Variants in HPSE2 observed in about 807,000 individuals in gnomAD.
The protein encoded by HPSE2 is heparanase 2 (inactive), also known as inactive heparanase-2.
HPSE2 carries 38 observed loss-of-function variants against 60.5 expected under a neutral mutation model. The observed-to-expected ratio is 0.63, with a 90% CI of 0.48 to 0.82. The LOEUF is 0.82. Among genes scored for constraint, HPSE2 ranks in the 40% least tolerant of loss-of-function variants. The pLI, the probability that HPSE2 is intolerant of heterozygous loss-of-function variation, is 0.00. For synonymous variants in HPSE2, 295 were observed against 293.2 expected (o/e 1.01, Z -0.06); for missense variants, 713 against 740.4 (o/e 0.96, Z 0.43).
chr10:99,135,406 T>A (rs961662176), intron 3 of HPSE2, among the ~76,000 whole-genome samples: 1 of 152,208 alleles, frequency 6.6e-6, no homozygotes, highest in Non-Finnish European at 1.5e-5. Context: ...AGAATATACA[T>A]CATTCTCAGC....
chr10:99,038,082 A>G (rs551438804), intron 3 of HPSE2, among the ~76,000 whole-genome samples: 1 of 152,282 alleles, frequency 6.6e-6, no homozygotes, highest in South Asian at 2.1e-4. Context: ...TAAGAGTGTG[A>G]AAATGGTATA....
chr10:99,086,110 T>C (rs556751625), intron 3 of HPSE2, among the ~76,000 whole-genome samples: 1 of 152,256 alleles, frequency 6.6e-6, no homozygotes, highest in African/African-American at 2.4e-5. Flanking sequence ...ATATGCCTAT[T>C]ACAGAACTTA....
chr10:98,730,190 T>C (rs1168259850), intron 4 of HPSE2, among the ~76,000 whole-genome samples: 4 of 151,684 alleles, frequency 2.6e-5, no homozygotes, highest in African/African-American at 9.7e-5. Context: ...TCAACAAAAA[T>C]TGAGAAATCC....
chr10:98,709,080 G>T (rs1424704349), intron 5 of HPSE2, among the ~76,000 whole-genome samples: 1 of 152,092 alleles, frequency 6.6e-6, no homozygotes, highest in Admixed American at 6.6e-5. Context: ...ATTCCAAAAA[G>T]ATCATTATTT....
chr10:99,002,054 C>A (rs1267999008), intron 3 of HPSE2, among the ~76,000 whole-genome samples: 1 of 152,044 alleles, frequency 6.6e-6, no homozygotes, highest in Non-Finnish European at 1.5e-5. Flanking sequence ...GCAAAAGCAA[C>A]TACTCATCAA....
intron 9 of HPSE2, among the ~76,000 whole-genome samples, chr10:98,534,356 A>G (rs1160611088): frequency 6.6e-6 from 1 of 152,068 alleles, no homozygotes; most frequent in Non-Finnish European, 1.5e-5. Context: ...GATTTTTTTC[A>G]CCCCAACTGA....
chr10:98,884,644 G>T (rs994373371), intron 3 of HPSE2, among the ~76,000 whole-genome samples: 50 of 152,246 alleles, frequency 3.3e-4, no homozygotes, highest in Non-Finnish European at 5.7e-4. Flanking sequence ...GTTTACTCTA[G>T]CAGTCCTCAA....
At chr10:98,909,599 A>C (rs1953924163) in intron 3 of HPSE2, among the ~76,000 whole-genome samples, 1 of 151,552 alleles carries the variant, frequency 6.6e-6, no homozygotes, top group Non-Finnish European at 1.5e-5. Flanking sequence ...CACTGCACCC[A>C]GCCTGGGCGA....
chr10:99,120,070 C>A (rs914172034), intron 3 of HPSE2, among the ~76,000 whole-genome samples: 2 of 152,098 alleles, frequency 1.3e-5, no homozygotes, highest in African/African-American at 4.8e-5. Flanking sequence ...AAAGCAATCA[C>A]GACAAAAGCA....
chr10:98,640,347 C>T (rs1316249524), intron 7 of HPSE2, among the ~76,000 whole-genome samples: 2 of 152,318 alleles, frequency 1.3e-5, no homozygotes, highest in East Asian at 3.9e-4. Context: ...TAGTGGAAGG[C>T]AGTGACAGAT....
chr10:99,244,422 T>TTA, the HPSE2 span, among the ~76,000 whole-genome samples: 2 of 144,186 alleles, frequency 1.4e-5, no homozygotes, highest in African/African-American at 2.6e-5. Context: ...ATTATTATTA[T>TTA]TTGAGACACG....
chr10:98,551,186 T>C (rs1388047581), intron 9 of HPSE2, among the ~76,000 whole-genome samples: 1 of 152,124 alleles, frequency 6.6e-6, no homozygotes, highest in African/African-American at 2.4e-5. Flanking sequence ...ATCTTTATTT[T>C]GTATGTGGGA....
At chr10:98,949,820 T>C (rs1955302022) in intron 3 of HPSE2, among the ~76,000 whole-genome samples, 2 of 152,044 alleles carry the variant, frequency 1.3e-5, no homozygotes, top group Admixed American at 1.3e-4. Context: ...GTGTTTTTTA[T>C]AAAGACAAGT....
At chr10:98,521,719 G>A (rs552979822) in intron 9 of HPSE2, among the ~76,000 whole-genome samples, 1 of 152,258 alleles carries the variant, frequency 6.6e-6, no homozygotes, top group South Asian at 2.1e-4. Flanking sequence ...CAATAGCAAG[G>A]ACTTGGAACC....
At chr10:99,282,922 T>C in the HPSE2 span, among the ~76,000 whole-genome samples, 75,108 of 152,058 alleles carry the variant, frequency 0.49, 21,730 homozygotes, top group Non-Finnish European at 0.64. Context: ...TGGTGGCTCA[T>C]GCCTGTAATC....
chr10:99,044,272 A>C (rs1957805487), intron 3 of HPSE2, among the ~76,000 whole-genome samples: 1 of 152,228 alleles, frequency 6.6e-6, no homozygotes, highest in South Asian at 2.1e-4. Flanking sequence ...GAAATGTGAA[A>C]TAGAAATAAA....
At chr10:98,775,415 CAT>C (rs1950319689) in intron 3 of HPSE2, among the ~76,000 whole-genome samples, 1 of 152,196 alleles carries the variant, frequency 6.6e-6, no homozygotes, top group Non-Finnish European at 1.5e-5. Flanking sequence ...CAGGATGAAA[CAT>C]AGATCACTAT....
At chr10:98,892,581 T>C (rs140771035) in intron 3 of HPSE2, among the ~76,000 whole-genome samples, 2 of 152,188 alleles carry the variant, frequency 1.3e-5, no homozygotes, top group African/African-American at 4.8e-5. Flanking sequence ...TTATCCTTTA[T>C]AGATCTCTTT....
chr10:98,802,709 C>G (rs1312053171), intron 3 of HPSE2, among the ~76,000 whole-genome samples: 1 of 150,344 alleles, frequency 6.7e-6, no homozygotes, highest in African/African-American at 2.5e-5. Context: ...TTTTCTTAAT[C>G]CAGTCTATCA....
Sources: gnomAD v4.1 joint callset for allele counts (sites outside exome capture counted in the v4.1 genomes callset) on GRCh38, gnomAD v4.1.1 for gene constraint, MANE v1.5 for transcripts, NCBI Gene and HGNC (gene_info 2026-07-23, HGNC 2026-07-21) for gene names.